TXNIP: variants seen among roughly 807,000 people sequenced by gnomAD.
The protein encoded by TXNIP is thioredoxin interacting protein, also known as thioredoxin-interacting protein.
In TXNIP, 23 loss-of-function variants were observed where a neutral mutation model predicts 43.9. The observed-to-expected ratio is 0.52, with a 90% CI of 0.38 to 0.74. The LOEUF (loss-of-function observed/expected upper bound fraction) is 0.74. Ranked by LOEUF, TXNIP falls within the 30% of genes least tolerant of loss-of-function variation. The pLI, the probability that TXNIP is intolerant of heterozygous loss-of-function variation, is 0.00. For synonymous variants in TXNIP, 234 were observed against 172.2 expected, an observed-to-expected ratio of 1.36 and a Z score of -2.81; for missense variants, 555 against 485.4, an observed-to-expected ratio of 1.14 and a Z score of -1.35.
intron 1 of TXNIP, chr1:145,995,792 C>T: frequency 1.6e-6 from 1 of 644,314 alleles, no homozygotes; most frequent in South Asian, 2.0e-5. Flanking sequence ...GGCAACGCCC[C>T]TCAGGATCCC....
Position 145,993,911 on chromosome 1 carries a change from A to C in TXNIP, c.1141-25T>G, listed in dbSNP as rs782785294. The C allele has an allele frequency of 3.1e-6, 5 of 1,614,022 alleles. No homozygotes were observed. In the Admixed American group the frequency reaches 8.3e-5, roughly 27 times the overall value. ...CCTAAAGAAAGAAACAGACTATTTC[A>C]GTTCAGGTAAGAACAAAAAGAACAA... On this transcript the variant is annotated intron_variant, in intron 7 of 7. Coordinates refer to ENST00000582401, the MANE Select transcript of TXNIP (RefSeq NM_006472.6).
intron 1 of TXNIP, 172 bp downstream of exon 1, chr1:145,995,841 CCTTT>C (rs1163825063): frequency 1.6e-5 from 13 of 830,518 alleles, no homozygotes; most frequent in Non-Finnish European, 2.2e-5. Flanking sequence ...TACAAATCAC[CCTTT>C]TTTTTGGGGG....
chr1:145,994,664 G>A lies in TXNIP; in HGVS notation c.711C>T (p.Val237=), dbSNP rs1553766113. 1.2e-6 allele frequency: 2 copies of A among 1,614,200 alleles called. No individual in the cohort carries two copies. Among genetic ancestry groups the A allele is most frequent in the Non-Finnish European group, 1.7e-6 (2 of 1,180,040 alleles). ...TKVLTQKLSS[V]RGNHIISGTC... ...TCCCTGAGATAATATGATTGCCTCT[G>A]ACTGATGACAACTTCTGAGTCAGCA... Residue 237 remains valine (V), a synonymous_variant, in exon 5 of 8, where the codon GTC becomes GTT. Coordinates refer to ENST00000582401, the MANE Select transcript of TXNIP (RefSeq NM_006472.6).
At position 145,994,998 on chromosome 1, in the gene TXNIP, A is replaced by C; in HGVS notation, c.505T>G (p.Ser169Ala). ...PVSAKKEKKV[S>A]CMFIPDGRVS... Reference sequence around the variant, plus strand: ...CGCCCATCAGGAATGAACATGCAGGAAACTTTCTTTTCTTTTTTAGCAGAC... The same window carrying C: ...CGCCCATCAGGAATGAACATGCAGGCAACTTTCTTTTCTTTTTTAGCAGAC... Residue 169 changes from serine (S) to alanine (A), a missense_variant, in exon 4 of 8, where the codon TCC (serine) becomes GCC (alanine). By Grantham distance (99) the Ser-to-Ala change is moderately conservative. Transcript: ENST00000582401. 6.2e-7 allele frequency: 1 copy of C among 1,614,186 alleles called. No homozygotes were observed. The highest frequency in any genetic ancestry group is 8.5e-7 in the Non-Finnish European group (1 of 1,180,044).
intron 4 of TXNIP, 63 bp downstream of exon 4, chr1:145,994,866 G>A (rs780144816): frequency 1.2e-6 from 2 of 1,613,666 alleles, no homozygotes; most frequent in Non-Finnish European, 1.7e-6. Flanking sequence ...CTCTACCCCA[G>A]TCCCATGCCC....
In TXNIP at chr1:145,996,189, C is replaced by T. The variant is rs1365309909; in HGVS notation, c.78G>A (p.Lys26=). The T allele has an allele frequency of 6.2e-7, 1 of 1,614,096 alleles. No homozygotes were observed. The highest frequency in any genetic ancestry group is 1.3e-5 in the African/African-American group (1 of 75,016). The part of the protein sequence containing the change: ...DPEKVYGSGE[K]VAGRVIVEVC... ...CCTCCACTATCACCCGGCCAGCCAC[C>T]TTCTCGCCACTGCCGTACACCTTTT... The change falls in exon 1 of 8, where the codon AAG becomes AAA. Residue 26 remains lysine, a synonymous_variant. Transcript: ENST00000582401.
In TXNIP at chr1:145,996,247, A is replaced by ATC; in HGVS notation, c.18_19dup (p.Ile7ArgfsTer26). On this transcript the variant is annotated frameshift_variant, in exon 1 of 8. Coordinates refer to ENST00000582401, the MANE Select transcript of TXNIP (RefSeq NM_006472.6). LOFTEE classifies it high-confidence loss of function. ...GTTAAAGACCACCTCAAAAGACTTG[A>ATC]TCTTCTTGAACATCACCATGATGGA... The ATC allele has an allele frequency of 6.2e-7, 1 of 1,614,046 alleles. No homozygotes were observed. The highest frequency in any genetic ancestry group is 1.1e-5 in the South Asian group (1 of 91,070).
rs765014420 is a variant in TXNIP at position 145,993,898 on chromosome 1, AAC to A, written c.1141-14_1141-13del. 264 of 1,614,080 alleles carry A rather than the reference AAC, an allele frequency of 1.6e-4. 1 individual carries two copies. The highest frequency in any genetic ancestry group is 7.0e-4 in the Admixed American group (42 of 59,990). ...ATGCAGGGATCCACCTAAAGAAAGA[AAC>A]AGACTATTTCAGTTCAGGTAAGAAC... On this transcript the variant is annotated splice_polypyrimidine_tract_variant and intron_variant, in intron 7 of 7. Coordinates refer to ENST00000582401, the MANE Select transcript of TXNIP (RefSeq NM_006472.6).
At chr1:145,995,544 G>C in intron 1 of TXNIP, 68 bp from the exon 2 acceptor site, 1 of 1,435,874 alleles carries the variant, frequency 7.0e-7, no homozygotes, top group Non-Finnish European at 9.8e-7. Flanking sequence ...TGTGTGATAA[G>C]GAATGCTTGG....
At position 145,996,532 on chromosome 1, in the gene TXNIP, G is replaced by A. The variant is rs1275780647; in HGVS notation, c.-266C>T. On this transcript the variant is annotated 5_prime_UTR_variant, in exon 1 of 8. Coordinates refer to ENST00000582401, the MANE Select transcript of TXNIP (RefSeq NM_006472.6). The stretch of plus-strand genomic sequence containing the variant: ...TCTTTCCCCCAATTGCTGGAGAAAA[G>A]ATCCGATCTCCACAAGCACTCCTTT... 4 of 353,274 alleles carry A rather than the reference G, an allele frequency of 1.1e-5. No homozygotes were observed. Among genetic ancestry groups the A allele is most frequent in the South Asian group, 1.1e-4 (4 of 35,498 alleles). The allele number at this position is 353,274 out of a possible 1,614,324, so 21.9% of individuals were successfully genotyped here.
chr1:145,994,953 T>C lies in TXNIP; in HGVS notation c.550A>G (p.Ile184Val), dbSNP rs1399696644. Residue 184 changes from isoleucine (I) to valine (V), a missense_variant, in exon 4 of 8, where the codon ATT (isoleucine) becomes GTT (valine). Coordinates refer to ENST00000582401, the MANE Select transcript of TXNIP (RefSeq NM_006472.6). ...CCTTCACAGAATCCTTTTCTGTCAATTCGAGCAGAGACAGACACCCGCCCA... is the reference window on the plus strand; with the variant it reads ...CCTTCACAGAATCCTTTTCTGTCAACTCGAGCAGAGACAGACACCCGCCCA... The part of the protein sequence containing the change: ...PDGRVSVSAR[I>V]DRKGFCEGDE... The C allele has an allele frequency of 6.2e-7, 1 of 1,614,086 alleles. No homozygotes were observed. The highest frequency in any genetic ancestry group is 8.5e-7 in the Non-Finnish European group (1 of 1,180,044).
At chr1:145,994,840 T>C (rs1559266374) in intron 4 of TXNIP, 40 bp from the exon 5 acceptor site, 1 of 1,613,668 alleles carries the variant, frequency 6.2e-7, no homozygotes, top group Admixed American at 1.7e-5. Context: ...ATACTCAGTA[T>C]AGTTAATGAC....
Position 145,996,179 on chromosome 1 carries a change from G to A in TXNIP, c.88C>T (p.Arg30Trp), listed in dbSNP as rs782414851. Residue 30 changes from arginine to tryptophan, a missense_variant, in exon 1 of 8, where the codon CGG becomes TGG. Physicochemically the swap from Arg to Trp is moderately radical, Grantham distance 101. Transcript: ENST00000582401. ...VYGSGEKVAGRVIVEVCEVTR... is the reference protein window; with the variant it reads ...VYGSGEKVAGWVIVEVCEVTR... Reference sequence around the variant, plus strand: ...ACTTCACACACCTCCACTATCACCCGGCCAGCCACCTTCTCGCCACTGCCG... The same window carrying A: ...ACTTCACACACCTCCACTATCACCCAGCCAGCCACCTTCTCGCCACTGCCG... 6 of 1,613,842 alleles carry A rather than the reference G, an allele frequency of 3.7e-6. No individual in the cohort carries two copies. The South Asian group carries it at 5.5e-5, about 15-fold the overall frequency.
chr1:145,995,523 TA>T, intron 1 of TXNIP, 47 bp from the exon 2 acceptor site: 1 of 1,561,468 alleles, frequency 6.4e-7, no homozygotes, highest in Non-Finnish European at 8.8e-7. Flanking sequence ...CTGTTACACT[TA>T]AAATGCATCT....
At chr1:145,995,655 C>T in intron 1 of TXNIP, 179 bp from the exon 2 acceptor site, 1 of 678,960 alleles carries the variant, frequency 1.5e-6, no homozygotes, top group Admixed American at 2.8e-5. Flanking sequence ...TGTATTTTGT[C>T]GGGCAGCAAG....
chr1:145,994,647 A>T lies in TXNIP; in HGVS notation c.728T>A (p.Ile243Asn), dbSNP rs1553766102. Residue 243 changes from isoleucine to asparagine, a missense_variant, in exon 5 of 8, where the codon ATC becomes AAC. Physicochemically the swap from Ile to Asn is moderately radical, Grantham distance 149. Transcript: ENST00000582401. ...ACGCCATGATGCGCATGTCCCTGAG[A>T]TAATATGATTGCCTCTGACTGATGA... The part of the protein sequence containing the change: ...KLSSVRGNHI[I>N]SGTCASWRGK... 5.0e-6 allele frequency: 8 copies of T among 1,614,224 alleles called. No individual in the cohort carries two copies. Among genetic ancestry groups the T allele is most frequent in the Admixed American group, 1.7e-5 (1 of 60,014 alleles).
In TXNIP at chr1:145,994,532, G is replaced by C. The variant is rs782617329; in HGVS notation, c.831+12C>G. ...ACAATTTCTCTGCTGAAGCCACCCT[G>C]CATCTACCCACCAGTAAGGAATATT... On this transcript the variant is annotated intron_variant, in intron 5 of 7. Coordinates refer to ENST00000582401, the MANE Select transcript of TXNIP (RefSeq NM_006472.6). 6.2e-7 allele frequency: 1 copy of C among 1,613,952 alleles called. No homozygotes were observed. The highest frequency in any genetic ancestry group is 1.3e-5 in the African/African-American group (1 of 74,914).
At position 145,993,779 on chromosome 1, in the gene TXNIP, G is replaced by T; in HGVS notation, c.*72C>A. ...CCATTGCAGAGACTGTTGAGTCTCT[G>T]AAAAAGTGAGTGTCCAGGAAGAGAG... On this transcript the variant is annotated 3_prime_UTR_variant, in exon 8 of 8. Transcript: ENST00000582401. 1.9e-6 allele frequency: 3 copies of T among 1,575,740 alleles called. No homozygotes were observed. The highest frequency in any genetic ancestry group is 1.1e-5 in the South Asian group (1 of 88,994).
rs979622524 is a variant in TXNIP at position 145,993,087 on chromosome 1, G to C, written c.*764C>G. 1.3e-5 allele frequency: 2 copies of C among 152,656 alleles called. No individual in the cohort carries two copies. Among genetic ancestry groups the C allele is most frequent in the Non-Finnish European group, 2.9e-5 (2 of 68,048 alleles). 9.5% of individuals were successfully genotyped at this position (152,656 alleles called of 1,614,324 possible). ...ACATCACCTTAGAATCAATTCCAAG[G>C]ACTTACATGAAGAGAAAACCATCCT... On this transcript the variant is annotated 3_prime_UTR_variant, in exon 8 of 8. Coordinates refer to ENST00000582401, the MANE Select transcript of TXNIP (RefSeq NM_006472.6).
Sources: allele counts gnomAD v4.1 joint callset, GRCh38; gene constraint gnomAD v4.1.1; transcripts MANE v1.5; gene names NCBI Gene and HGNC (gene_info 2026-07-23, HGNC 2026-07-21).